OIT3: variants seen among roughly 807,000 people sequenced by gnomAD.
The protein encoded by OIT3 is oncoprotein induced transcript 3.
In OIT3, 41 loss-of-function variants were observed where a neutral mutation model predicts 52.2. That is an observed-to-expected ratio of 0.79 (90% confidence interval 0.61 to 1.02). The LOEUF is 1.02. Among genes scored for constraint, OIT3 ranks in the 50% least tolerant of loss-of-function variants. The pLI, the probability that OIT3 is intolerant of heterozygous loss-of-function variation, is 0.00. For synonymous variants in OIT3, 244 were observed against 276.9 expected, an observed-to-expected ratio of 0.88 and a Z score of 1.18; for missense variants, 634 against 715.5, an observed-to-expected ratio of 0.89 and a Z score of 1.30.
Position 72,924,507 on chromosome 10 carries a change from C to G in OIT3, c.1230C>G (p.Leu410=). 1 of 1,614,218 alleles carries G rather than the reference C, an allele frequency of 6.2e-7. No homozygotes were observed. The change falls in exon 7 of 9, where the codon CTC becomes CTG. Residue 410 remains leucine, a synonymous_variant. Coordinates refer to ENST00000334011, the MANE Select transcript of OIT3 (RefSeq NM_152635.3). ...CTTACCGGGAAGCTCTGCCCACCCT[C>G]AAGCTTCGTGACTCCCTCTACTTTG... ...EEPYREALPT[L]KLRDSLYFGI...
intron 1 of OIT3, among the ~76,000 whole-genome samples, chr10:72,898,159 C>T (rs551784103): frequency 1.1e-4 from 16 of 150,924 alleles, no homozygotes; most frequent in African/African-American, 3.2e-4. Context: ...TGGTGGCATA[C>T]GCTTGTGGTC....
chr10:72,915,055 G>A (rs1459961753), intron 6 of OIT3, among the ~76,000 whole-genome samples: 3 of 152,012 alleles, frequency 2.0e-5, no homozygotes, highest in Non-Finnish European at 4.4e-5. Context: ...TAGTAGAGAC[G>A]GGGTTTCACC....
Position 72,913,449 on chromosome 10 carries a change from CAT to C in OIT3, c.933_934del (p.Cys312TrpfsTer9). 2.5e-6 allele frequency: 4 copies of C among 1,611,152 alleles called. No individual in the cohort carries two copies. The highest frequency in any genetic ancestry group is 1.7e-4 in the Middle Eastern group (1 of 6,046). On this transcript the variant is annotated frameshift_variant, in exon 6 of 9. Coordinates refer to ENST00000334011, the MANE Select transcript of OIT3 (RefSeq NM_152635.3). LOFTEE classifies it high-confidence loss of function. ...GTCAACATCCTCTTCTCTCTCAAGA[CAT>C]GTGGTACAGTGGTCGATGTAGGTTC...
intron 3 of OIT3, among the ~76,000 whole-genome samples, chr10:72,901,459 GC>G (rs1413161151): frequency 6.6e-6 from 1 of 152,164 alleles, no homozygotes; most frequent in East Asian, 1.9e-4. Flanking sequence ...ATGTTATGAA[GC>G]TTTTTGGATT....
At position 72,900,389 on chromosome 10, in the gene OIT3, T is replaced by A. The variant is rs1357753154; in HGVS notation, c.449T>A (p.Ile150Asn). The A allele has an allele frequency of 6.3e-7, 1 of 1,594,372 alleles. No homozygotes were observed. Among genetic ancestry groups the A allele is most frequent in the Non-Finnish European group, 8.6e-7 (1 of 1,163,430 alleles). ...TATTCTTCCATAGATTTTTATGACATCTGCGACGAGGACTGCCATGGCAGC... is the reference window on the plus strand; with the variant it reads ...TATTCTTCCATAGATTTTTATGACAACTGCGACGAGGACTGCCATGGCAGC... ...FHVYCGHFYD[I>N]CDEDCHGSCS... Residue 150 changes from isoleucine to asparagine, a missense_variant, in exon 3 of 9, where the codon ATC becomes AAC. Coordinates refer to ENST00000334011, the MANE Select transcript of OIT3 (RefSeq NM_152635.3).
At chr10:72,912,456 A>T (rs1846037965) in intron 5 of OIT3, among the ~76,000 whole-genome samples, 1 of 151,680 alleles carries the variant, frequency 6.6e-6, no homozygotes, top group Non-Finnish European at 1.5e-5. Context: ...TTTTTAGTAG[A>T]GACGGGGTTT....
chr10:72,929,099 G>A (rs1473539138), intron 7 of OIT3, among the ~76,000 whole-genome samples: 2 of 151,882 alleles, frequency 1.3e-5, no homozygotes, highest in African/African-American at 4.8e-5. Context: ...CCCACTGAGG[G>A]GCTGAGGCAG....
Position 72,913,490 on chromosome 10 carries a change from C to G in OIT3, c.951+22C>G, listed in dbSNP as rs374009337. The G allele has an allele frequency of 2.4e-5, 38 of 1,588,068 alleles. 1 individual carries two copies. In the East Asian group the frequency reaches 4.1e-4, roughly 17 times the overall value. The stretch of plus-strand genomic sequence containing the variant: ...CGATGTAGGTTCCTCCTGGAGGGCA[C>G]TTGGGGAATGACCAAAAGCCGGTTA... On this transcript the variant is annotated intron_variant, in intron 6 of 8. Coordinates refer to ENST00000334011, the MANE Select transcript of OIT3 (RefSeq NM_152635.3).
At chr10:72,929,749 G>A (rs1353825132) in intron 7 of OIT3, among the ~76,000 whole-genome samples, 1 of 151,968 alleles carries the variant, frequency 6.6e-6, no homozygotes, top group Non-Finnish European at 1.5e-5. Context: ...CACCATGTTG[G>A]CCAGGCTGGT....
chr10:72,909,699 C>T (rs191814998), intron 4 of OIT3, among the ~76,000 whole-genome samples: 20 of 152,188 alleles, frequency 1.3e-4, no homozygotes, highest in Admixed American at 9.2e-4. Flanking sequence ...CCAGGTCAAG[C>T]GATTCTCCTG....
intron 5 of OIT3, among the ~76,000 whole-genome samples, chr10:72,912,895 G>C (rs888955889): frequency 1.3e-5 from 2 of 152,092 alleles, no homozygotes; most frequent in African/African-American, 4.8e-5. Flanking sequence ...TCTGTTTTAC[G>C]AGGCAGTAAT....
intron 7 of OIT3, among the ~76,000 whole-genome samples, chr10:72,925,121 A>AG (rs1402773785): frequency 2.6e-5 from 4 of 151,620 alleles, no homozygotes; most frequent in Admixed American, 1.3e-4. Flanking sequence ...ATCTCAAAAA[A>AG]AAAAAAAAAA....
At chr10:72,902,690 A>G (rs1292843383) in intron 3 of OIT3, among the ~76,000 whole-genome samples, 1 of 152,220 alleles carries the variant, frequency 6.6e-6, no homozygotes, top group East Asian at 1.9e-4. Flanking sequence ...CACATCTTAC[A>G]TGGCAGCAGG....
Position 72,918,103 on chromosome 10 carries a change from G to A in OIT3, c.951+4635G>A, listed in dbSNP as rs1846089686. On this transcript the variant is annotated intron_variant, in intron 6 of 8. Transcript: ENST00000334011. ...TGTGGAACCTTGCTACCACCTCCAG[G>A]GGCAGACTGCTTTCCAGTTATACTT... The A allele has an allele frequency of 2.0e-5, 27 of 1,351,534 alleles. 1 individual carries two copies. The South Asian group carries it at 3.1e-4, about 16-fold the overall frequency. The allele number at this position is 1,351,534 out of a possible 1,614,324, so 83.7% of individuals were successfully genotyped here.
intron 1 of OIT3, among the ~76,000 whole-genome samples, chr10:72,895,365 C>A (rs867248566): frequency 1.3e-5 from 2 of 152,146 alleles, no homozygotes; most frequent in African/African-American, 2.4e-5. Context: ...TTTCCATATA[C>A]CATCGCCCTT....
intron 6 of OIT3, among the ~76,000 whole-genome samples, chr10:72,916,946 TC>T (rs1846078090): frequency 6.6e-6 from 1 of 152,342 alleles, no homozygotes; most frequent in South Asian, 2.1e-4. Flanking sequence ...AGCTTTTTTT[TC>T]ATATGCTTGT....
intron 6 of OIT3, among the ~76,000 whole-genome samples, chr10:72,919,942 C>T (rs1465347782): frequency 6.6e-6 from 1 of 152,120 alleles, no homozygotes; most frequent in Non-Finnish European, 1.5e-5. Flanking sequence ...GATTTTGGTT[C>T]AGGATGATGC....
At chr10:72,897,451 TG>T (rs1845884283) in intron 1 of OIT3, among the ~76,000 whole-genome samples, 1 of 152,234 alleles carries the variant, frequency 6.6e-6, no homozygotes, top group Non-Finnish European at 1.5e-5. Flanking sequence ...AGGATAGTAA[TG>T]CCATGGTTAA....
intron 7 of OIT3, among the ~76,000 whole-genome samples, 165 bp from the exon 8 acceptor site, chr10:72,930,373 C>A (rs1846205238): frequency 1.3e-5 from 2 of 152,162 alleles, no homozygotes; most frequent in African/African-American, 2.4e-5. Context: ...TCTGAAGAGG[C>A]CTTCACAGGG....
Sources: gnomAD v4.1 joint callset for allele counts (sites outside exome capture counted in the v4.1 genomes callset) on GRCh38, gnomAD v4.1.1 for gene constraint, MANE v1.5 for transcripts, NCBI Gene and HGNC (gene_info 2026-07-23, HGNC 2026-07-21) for gene names.